The following SLC5A8 variants were observed in gnomAD, a reference collection of about 807,000 sequenced individuals.
The protein encoded by SLC5A8 is sodium-coupled monocarboxylate transporter 1.
Under a neutral mutation model 71.9 loss-of-function variants are expected in SLC5A8, and 55 were observed. The observed-to-expected ratio is 0.77, with a 90% confidence interval of 0.62 to 0.96. The LOEUF (loss-of-function observed/expected upper bound fraction) is 0.96. SLC5A8 is among the 40% of genes least tolerant of loss of function. The pLI is 0.00. For synonymous variants in SLC5A8, 307 were observed against 276.1 expected (o/e 1.11, Z -1.11); for missense variants, 701 against 745.3 (o/e 0.94, Z 0.69).
chr12:101,161,841 T>G (rs1174349901), intron 13 of SLC5A8, 133 bp downstream of exon 13: 1 of 687,586 alleles, frequency 1.5e-6, no homozygotes, highest in African/African-American at 1.8e-5. Context: ...AGATTTCCCA[T>G]GAGTAAAACA....
chr12:101,203,402 C>G (rs561790981), intron 2 of SLC5A8, among the ~76,000 whole-genome samples: 1 of 152,188 alleles, frequency 6.6e-6, no homozygotes, highest in South Asian at 2.1e-4. Context: ...GGCTGGGGTG[C>G]AATGGCATGA....
chr12:101,170,529 G>C (rs1315328254), intron 10 of SLC5A8, among the ~76,000 whole-genome samples: 4 of 152,102 alleles, frequency 2.6e-5, no homozygotes, highest in Non-Finnish European at 5.9e-5. Context: ...AAGCCAGCCA[G>C]CCTGGAAATG....
At chr12:101,163,978 C>T (rs1401266826) in intron 12 of SLC5A8, among the ~76,000 whole-genome samples, 2 of 152,138 alleles carry the variant, frequency 1.3e-5, no homozygotes, top group Non-Finnish European at 2.9e-5. Flanking sequence ...GTGGATTACA[C>T]TTCCTCAATG....
Position 101,157,391 on chromosome 12 carries a change from A to T in SLC5A8, c.1721T>A (p.Val574Asp). Residue 574 changes from valine (V) to aspartate (D), a missense_variant, in exon 15 of 15, where the codon GTT (valine) becomes GAT (aspartate). Transcript: ENST00000536262. ...CACTGGATGTGATTTATAGCTCAAA[A>T]CATGCTTCTTCTAAAAGAAAATGTT... ...NFDIFKKKKH[V>D]LSYKSHPVED... 2 of 1,599,584 alleles carry T rather than the reference A, an allele frequency of 1.3e-6. No homozygotes were observed. The highest frequency in any genetic ancestry group is 3.3e-4 in the Middle Eastern group (2 of 6,040).
At chr12:101,183,085 G>A (rs1203339793) in intron 8 of SLC5A8, among the ~76,000 whole-genome samples, 170 bp from the exon 9 acceptor site, 70 of 113,190 alleles carry the variant, frequency 6.2e-4, no homozygotes, top group East Asian at 2.3e-3. Flanking sequence ...TCGCTCTGTC[G>A]CCCAGGCTGG....
Position 101,187,473 on chromosome 12 carries a change from T to C in SLC5A8, c.876A>G (p.Thr292=). ...GGGCGAGCCCACAAAACACTGAGCA[T>C]GTGAGGATTGCCCAGAGTCCCACAA... ...INLVGLWAIL[T]CSVFCGLALY... The change falls in exon 7 of 15, where the codon ACA becomes ACG. Residue 292 remains threonine (T), a synonymous_variant. Transcript: ENST00000536262. The C allele has an allele frequency of 2.5e-6, 4 of 1,613,960 alleles. No individual in the cohort carries two copies. Among genetic ancestry groups the C allele is most frequent in the Non-Finnish European group, 3.4e-6 (4 of 1,179,938 alleles).
chr12:101,190,662 A>C (rs1593377697), intron 5 of SLC5A8, 54 bp from the exon 6 acceptor site: 10 of 1,518,298 alleles, frequency 6.6e-6, no homozygotes, highest in Non-Finnish European at 8.8e-6. Flanking sequence ...GACTAAAAAA[A>C]ATTCTCTTAG....
chr12:101,161,306 A>G (rs1392528327), intron 13 of SLC5A8, among the ~76,000 whole-genome samples: 1 of 152,204 alleles, frequency 6.6e-6, no homozygotes. Context: ...AGAAGTAATG[A>G]ATATAGGCAG....
intron 1 of SLC5A8, among the ~76,000 whole-genome samples, chr12:101,208,795 C>T (rs1486996529): frequency 1.3e-5 from 2 of 152,198 alleles, no homozygotes; most frequent in African/African-American, 4.8e-5. Flanking sequence ...CTGGCACTTA[C>T]TCTGTGTCAA....
At chr12:101,175,601 A>G (rs1286493980) in intron 10 of SLC5A8, among the ~76,000 whole-genome samples, 2 of 152,038 alleles carry the variant, frequency 1.3e-5, no homozygotes, top group African/African-American at 4.8e-5. Context: ...TGAAAACTAA[A>G]GAAAAAACAA....
At chr12:101,189,131 C>T (rs1430088972) in intron 6 of SLC5A8, among the ~76,000 whole-genome samples, 1 of 152,192 alleles carries the variant, frequency 6.6e-6, no homozygotes, top group East Asian at 1.9e-4. Context: ...TCAAGTCGGG[C>T]TTTTTGGGTT....
At chr12:101,171,834 G>A (rs1386374848) in intron 10 of SLC5A8, among the ~76,000 whole-genome samples, 1 of 152,210 alleles carries the variant, frequency 6.6e-6, no homozygotes, top group Non-Finnish European at 1.5e-5. Flanking sequence ...TAGGTCTGGA[G>A]AAGCCACAGT....
intron 2 of SLC5A8, 64 bp from the exon 3 acceptor site, chr12:101,202,279 G>A: frequency 7.4e-7 from 1 of 1,347,346 alleles, no homozygotes; most frequent in Non-Finnish European, 1.0e-6. Flanking sequence ...TTACGTCTGA[G>A]TTATAAAATA....
chr12:101,202,324 A>C, intron 2 of SLC5A8, 109 bp from the exon 3 acceptor site: 1 of 1,046,754 alleles, frequency 9.6e-7, no homozygotes. Context: ...TTATGACTTA[A>C]AACAACAGTT....
At chr12:101,194,736 C>A (rs1286115176) in intron 4 of SLC5A8, among the ~76,000 whole-genome samples, 1 of 152,168 alleles carries the variant, frequency 6.6e-6, no homozygotes, top group Non-Finnish European at 1.5e-5. Flanking sequence ...CTCGGCCTCC[C>A]AAATTGCTGG....
intron 7 of SLC5A8, among the ~76,000 whole-genome samples, chr12:101,184,842 T>C (rs950948811): frequency 6.6e-6 from 1 of 152,218 alleles, no homozygotes; most frequent in Non-Finnish European, 1.5e-5. Context: ...GATACTAACT[T>C]GCTTTTTGAT....
chr12:101,198,407 TAAG>T (rs898455374), intron 3 of SLC5A8, among the ~76,000 whole-genome samples: 29 of 151,782 alleles, frequency 1.9e-4, no homozygotes, highest in Admixed American at 1.8e-3. Flanking sequence ...TATATCAAAA[TAAG>T]AAGATAGAAA....
At position 101,209,376 on chromosome 12, in the gene SLC5A8, C is replaced by A. The variant is rs1446105684; in HGVS notation, c.351+122G>T. 10 of 720,844 alleles carry A rather than the reference C, an allele frequency of 1.4e-5. No homozygotes were observed. In the Admixed American group the frequency reaches 3.0e-4, roughly 21 times the overall value. The allele number at this position is 720,844 out of a possible 1,614,324, so 44.7% of individuals were successfully genotyped here. On this transcript the variant is annotated intron_variant, in intron 1 of 14. Transcript: ENST00000536262. ...AGGAGTGAAGGGAGGGTGATGATGA[C>A]GATGGACGGGGAGAGATTTCGATGT... is the stretch of plus-strand genomic sequence containing the variant.
chr12:101,178,533 C>T (rs181884346), intron 10 of SLC5A8, among the ~76,000 whole-genome samples: 13 of 152,208 alleles, frequency 8.5e-5, no homozygotes, highest in East Asian at 5.8e-4. Flanking sequence ...GCCTAATGGA[C>T]GTTTTACGAA....
Sources: gnomAD v4.1 joint callset for allele counts (sites outside exome capture counted in the v4.1 genomes callset) on GRCh38, gnomAD v4.1.1 for gene constraint, MANE v1.5 for transcripts, NCBI Gene and HGNC (gene_info 2026-07-23, HGNC 2026-07-21) for gene names.